TMPRSS7: variants seen among roughly 807,000 people sequenced by gnomAD.
TMPRSS7 encodes transmembrane serine protease 7.
Under a neutral mutation model 95.6 loss-of-function variants are expected in TMPRSS7, and 81 were observed. The ratio of observed to expected loss-of-function variants is 0.85; its 90% CI spans 0.71 to 1.02. TMPRSS7 has a LOEUF of 1.02. Among genes scored for constraint, TMPRSS7 ranks in the 50% least tolerant of loss-of-function variants. The probability of loss-of-function intolerance (pLI) is 0.00; values close to 1 mark genes in which losing one functional copy is unlikely to be tolerated. For missense variants in TMPRSS7, 945 were observed against 955.2 expected (o/e 0.99, Z 0.14); for synonymous variants, 364 against 337.8 (o/e 1.08, Z -0.85).
At chr3:112,042,089 G>A in intron 3 of TMPRSS7, 39 bp downstream of exon 3, 1 of 1,521,634 alleles carries the variant, frequency 6.6e-7, no homozygotes, top group Non-Finnish European at 8.9e-7. Flanking sequence ...GGTAGAGTGG[G>A]TTTGCGGGGA....
chr3:112,041,787 G>A, intron 2 of TMPRSS7, 133 bp from the exon 3 acceptor site: 1 of 617,196 alleles, frequency 1.6e-6, no homozygotes, highest in South Asian at 2.0e-5. Context: ...AAGTTCACAG[G>A]CTCTGAACCA....
chr3:112,045,571 A>G (rs540265684), intron 4 of TMPRSS7, among the ~76,000 whole-genome samples, 179 bp from the exon 5 acceptor site: 3 of 152,252 alleles, frequency 2.0e-5, no homozygotes, highest in Non-Finnish European at 4.4e-5. Flanking sequence ...GTCTGAATAC[A>G]TATAACATGA....
rs556529373 is a variant in TMPRSS7, at chr3:112,074,586, T to G, written c.1783+174T>G. On this transcript the variant is annotated intron_variant, in intron 14 of 17. Transcript: ENST00000452346. ...AATTGTTTCTCAGAAATAAAAACTC[T>G]GGAATGGATTCTGTCTTCTTGATAA... 2.0e-4 allele frequency among the ~76,000 whole-genome samples: 31 copies of G among 152,374 alleles called. 1 individual carries two copies. The highest frequency in any genetic ancestry group is 1.6e-3 in the Admixed American group (25 of 15,308).
chr3:112,062,058 TAATA>T (rs1189991246), intron 11 of TMPRSS7, 135 bp downstream of exon 11: 1 of 377,236 alleles, frequency 2.7e-6, no homozygotes, highest in Non-Finnish European at 4.2e-6. Flanking sequence ...CTTATTTCTA[TAATA>T]AATAATAATT....
rs751339070 is a variant in TMPRSS7, at chr3:112,081,074, C to T, written c.2522C>T (p.Ser841Phe). The T allele has an allele frequency of 1.9e-6, 3 of 1,599,078 alleles. No homozygotes were observed. Among genetic ancestry groups the T allele is most frequent in the Non-Finnish European group, 2.6e-6 (3 of 1,175,424 alleles). ...CCCTGGATTCATAAATATGTCCCTT[C>T]TCTTTTGTAATTGTACCAGTTGTAT... The change falls in exon 18 of 18, where the codon TCT (serine) becomes TTT (phenylalanine). Residue 841 changes from serine (S) to phenylalanine (F), a missense_variant. Ser to Phe is a radical substitution (Grantham distance 155). Transcript: ENST00000452346.
chr3:112,057,057 AT>A lies in TMPRSS7; in HGVS notation c.1238del (p.Phe413SerfsTer6). On this transcript the variant is annotated frameshift_variant, in exon 10 of 18. Coordinates refer to ENST00000452346, the Ensembl canonical transcript of TMPRSS7. LOFTEE classifies it high-confidence loss of function. ...TATCAACTCTTGGCATAGCACTGAAATTCTATAACTATTCAATAACCAAGAA... is the reference window on the plus strand; with the variant it reads ...TATCAACTCTTGGCATAGCACTGAAATCTATAACTATTCAATAACCAAGAA... 6.2e-7 allele frequency: 1 copy of A among 1,612,622 alleles called. No homozygotes were observed. Among genetic ancestry groups the A allele is most frequent in the Non-Finnish European group, 8.5e-7 (1 of 1,179,272 alleles).
intron 15 of TMPRSS7, 88 bp from the exon 16 acceptor site, chr3:112,076,788 T>A: frequency 1.4e-6 from 2 of 1,477,190 alleles, no homozygotes. Flanking sequence ...CCCTTCTTTT[T>A]CAGCCCTCAA....
intron 13 of TMPRSS7, among the ~76,000 whole-genome samples, chr3:112,070,839 A>T (rs1457691099): frequency 2.0e-5 from 3 of 152,232 alleles, no homozygotes; most frequent in Non-Finnish European, 4.4e-5. Flanking sequence ...CAGGTTTGTT[A>T]CATATGTATA....
At position 112,063,550 on chromosome 3, in the gene TMPRSS7, C is replaced by A. The variant is rs540447898; in HGVS notation, c.1473C>A (p.Cys491Ter). Residue 491 changes from cysteine to a stop codon, truncating the protein, a stop_gained, in exon 12 of 18, where the codon TGC (cysteine) becomes TGA (stop). Coordinates refer to ENST00000452346, the Ensembl canonical transcript of TMPRSS7. LOFTEE classifies it high-confidence loss of function. ...CCTGCCCTGTTGGATCTTTTAGATGCTCCTCCGGTTTATGTGTCCCTCAGG... is the reference window on the plus strand; with the variant it reads ...CCTGCCCTGTTGGATCTTTTAGATGATCCTCCGGTTTATGTGTCCCTCAGG... 6.2e-6 allele frequency: 10 copies of A among 1,613,986 alleles called. No individual in the cohort carries two copies. In the Admixed American group the frequency reaches 1.7e-4, roughly 27 times the overall value.
intron 10 of TMPRSS7, among the ~76,000 whole-genome samples, chr3:112,058,795 G>C (rs2073465421): frequency 6.6e-6 from 1 of 152,190 alleles, no homozygotes; most frequent in South Asian, 2.1e-4. Flanking sequence ...AGTAGGAGCA[G>C]AATCTGCTCC....
At chr3:112,043,290 G>T (rs79483275) in intron 3 of TMPRSS7, among the ~76,000 whole-genome samples, 7,882 of 152,170 alleles carry the variant, frequency 0.052, 284 homozygotes, top group African/African-American at 0.1. Flanking sequence ...ATCACTAGAT[G>T]ATAAGAGTTG....
intron 17 of TMPRSS7, among the ~76,000 whole-genome samples, chr3:112,079,959 C>G (rs1401564908): frequency 6.6e-6 from 1 of 152,112 alleles, no homozygotes; most frequent in African/African-American, 2.4e-5. Context: ...TGGGTGCTTC[C>G]CATAGCTAGT....
Position 112,038,059 on chromosome 3 carries a change from C to CT in TMPRSS7, c.49-5dup, listed in dbSNP as rs916145654. ...TTCTACTTGGTAACATATCTTATTT[C>CT]TTTTTTTTGAAGATATCCAATATCT... On this transcript the variant is annotated splice_polypyrimidine_tract_variant and intron_variant, in intron 1 of 17. Coordinates refer to ENST00000452346, the Ensembl canonical transcript of TMPRSS7. 1.0e-5 allele frequency: 7 copies of CT among 700,788 alleles called. No individual in the cohort carries two copies. The highest frequency in any genetic ancestry group is 3.0e-5 in the South Asian group (2 of 67,132). 43.4% of individuals were successfully genotyped at this position (700,788 alleles called of 1,614,324 possible).
At chr3:112,043,039 C>G (rs2073229882) in intron 3 of TMPRSS7, 1 of 455,904 alleles carries the variant, frequency 2.2e-6, no homozygotes, top group Non-Finnish European at 4.4e-6. Flanking sequence ...GCAGCTTTTA[C>G]TTATTGAATG....
At chr3:112,076,718 C>T (rs761300822) in intron 15 of TMPRSS7, among the ~76,000 whole-genome samples, 158 bp from the exon 16 acceptor site, 8 of 152,176 alleles carry the variant, frequency 5.3e-5, no homozygotes, top group Non-Finnish European at 1.0e-4. Context: ...CTCACAGTTA[C>T]GCTTTCTGCC....
downstream of TMPRSS7, chr3:112,081,269 G>A (rs796588732): frequency 0.043 from 5,122 of 118,930 alleles, 200 homozygotes; most frequent in East Asian, 0.15. Context: ...TGTCTCTACT[G>A]AAAAAAAAAA....
chr3:112,064,015 T>C (rs1300717471), intron 12 of TMPRSS7, among the ~76,000 whole-genome samples: 1 of 152,206 alleles, frequency 6.6e-6, no homozygotes, highest in East Asian at 1.9e-4. Context: ...GGCCTGGGCT[T>C]GGAACTGGCA....
chr3:112,036,695 C>T (rs1443286964), intron 1 of TMPRSS7, among the ~76,000 whole-genome samples: 2 of 152,142 alleles, frequency 1.3e-5, no homozygotes, highest in Non-Finnish European at 2.9e-5. Context: ...GGCCTCTCCT[C>T]CACAGCATCT....
intron 10 of TMPRSS7, among the ~76,000 whole-genome samples, chr3:112,060,214 G>A (rs1375851934): frequency 1.3e-5 from 2 of 152,186 alleles, no homozygotes; most frequent in African/African-American, 4.8e-5. Flanking sequence ...AAGGCAAATG[G>A]AGGCAGGGCG....
Sources: gnomAD v4.1 joint callset for allele counts (sites outside exome capture counted in the v4.1 genomes callset) on GRCh38, gnomAD v4.1.1 for gene constraint, MANE v1.5 for transcripts, NCBI Gene and HGNC (gene_info 2026-07-23, HGNC 2026-07-21) for gene names.